ACAA2: variants seen among roughly 807,000 people sequenced by gnomAD.
The protein encoded by ACAA2 is 3-ketoacyl-CoA thiolase, mitochondrial.
A neutral mutation model predicts 44.8 loss-of-function variants in ACAA2; 35 were observed. That is an observed-to-expected ratio of 0.78 (90% CI 0.60 to 1.04). ACAA2 has a LOEUF of 1.04. Ranked by LOEUF, ACAA2 falls within the 50% of genes least tolerant of loss-of-function variation. The pLI, the probability that ACAA2 is intolerant of heterozygous loss-of-function variation, is 0.00. For missense variants in ACAA2, 468 were observed against 482.6 expected, an observed-to-expected ratio of 0.97 and a Z score of 0.28; for synonymous variants, 142 against 166.5, an observed-to-expected ratio of 0.85 and a Z score of 1.13.
chr18:49,797,090 G>A (rs1484536379), intron 3 of ACAA2, among the ~76,000 whole-genome samples: 1 of 151,916 alleles, frequency 6.6e-6, no homozygotes, highest in East Asian at 1.9e-4. Flanking sequence ...TTTTCATCTT[G>A]CAAAACTGAA....
intron 1 of ACAA2, chr18:49,812,800 CAG>C (rs2023685441): frequency 6.6e-6 from 1 of 152,206 alleles, no homozygotes; most frequent in Non-Finnish European, 1.5e-5. Flanking sequence ...TTTCCTGTCT[CAG>C]GGCCTCGATA....
At chr18:49,803,657 CAT>C (rs1192834185) in intron 1 of ACAA2, among the ~76,000 whole-genome samples, 1 of 152,180 alleles carries the variant, frequency 6.6e-6, no homozygotes, top group Non-Finnish European at 1.5e-5. Context: ...ATGCTAGAAA[CAT>C]ATGTTGAGAA....
At chr18:49,813,275 T>TA (rs2023692648) in intron 1 of ACAA2, among the ~76,000 whole-genome samples, 194 bp downstream of exon 1, 1 of 152,216 alleles carries the variant, frequency 6.6e-6, no homozygotes, top group East Asian at 1.9e-4. Flanking sequence ...GCTAGCGCCT[T>TA]ACAAGTAAGG....
intron 2 of ACAA2, among the ~76,000 whole-genome samples, chr18:49,799,405 C>T (rs995472958): frequency 3.1e-4 from 34 of 109,060 alleles, no homozygotes; most frequent in African/African-American, 9.8e-4. Context: ...TTGGTGGAGA[C>T]GGGGTTTCGC....
intron 3 of ACAA2, among the ~76,000 whole-genome samples, chr18:49,797,078 G>A (rs976887781): frequency 6.6e-6 from 1 of 151,882 alleles, no homozygotes; most frequent in Non-Finnish European, 1.5e-5. Context: ...TCTCCAGAAC[G>A]CTTTTCATCT....
intron 7 of ACAA2, among the ~76,000 whole-genome samples, chr18:49,789,939 G>A (rs750785047): frequency 1.3e-5 from 2 of 150,296 alleles, no homozygotes; most frequent in African/African-American, 2.5e-5. Flanking sequence ...GTGACAAAGC[G>A]AGACTCTGTG....
intron 4 of ACAA2, among the ~76,000 whole-genome samples, chr18:49,795,143 T>A (rs748150315): frequency 6.6e-6 from 1 of 152,166 alleles, no homozygotes; most frequent in Non-Finnish European, 1.5e-5. Flanking sequence ...GTGAACAGTG[T>A]GAGTCAAACA....
At chr18:49,811,459 A>G (rs1281073313) in intron 1 of ACAA2, 1 of 152,228 alleles carries the variant, frequency 6.6e-6, no homozygotes, top group Non-Finnish European at 1.5e-5. Context: ...TGATCTGTCG[A>G]GCGAAAACCT....
At chr18:49,800,129 T>TG (rs1396983741) in intron 2 of ACAA2, among the ~76,000 whole-genome samples, 1 of 137,496 alleles carries the variant, frequency 7.3e-6, no homozygotes, top group Non-Finnish European at 1.6e-5. Context: ...GGGAGGGAGG[T>TG]GGGGGTCAGC....
At chr18:49,808,032 A>G (rs2023628177) in intron 1 of ACAA2, among the ~76,000 whole-genome samples, 1 of 152,168 alleles carries the variant, frequency 6.6e-6, no homozygotes, top group Admixed American at 6.5e-5. Flanking sequence ...TGGGCAAAAG[A>G]TCTGAACAGA....
chr18:49,800,258 G>C (rs1205488870), intron 2 of ACAA2, among the ~76,000 whole-genome samples: 1 of 145,968 alleles, frequency 6.9e-6, no homozygotes, highest in Non-Finnish European at 1.5e-5. Context: ...CGCCCCGTCC[G>C]GGAGGGAGGG....
At chr18:49,795,424 T>A (rs1298576474) in intron 4 of ACAA2, among the ~76,000 whole-genome samples, 1 of 152,186 alleles carries the variant, frequency 6.6e-6, no homozygotes, top group Non-Finnish European at 1.5e-5. Context: ...TACTAATTGT[T>A]TAGTAGTGAG....
intron 1 of ACAA2, chr18:49,813,079 G>A (rs187566694): frequency 1.1e-5 from 2 of 182,286 alleles, no homozygotes; most frequent in East Asian, 1.3e-4. Flanking sequence ...GAGGCCGAGC[G>A]GCGGGCTCCT....
intron 1 of ACAA2, among the ~76,000 whole-genome samples, chr18:49,809,272 T>G (rs1407797927): frequency 6.6e-6 from 1 of 152,240 alleles, no homozygotes; most frequent in Admixed American, 6.5e-5. Flanking sequence ...TACAATCAAT[T>G]TGTACAGTTA....
At chr18:49,803,860 T>G (rs1037367511) in intron 1 of ACAA2, among the ~76,000 whole-genome samples, 4 of 151,700 alleles carry the variant, frequency 2.6e-5, no homozygotes, top group Non-Finnish European at 5.9e-5. Flanking sequence ...CATACTCTAC[T>G]GCATGAAACA....
rs555951446 is a variant in ACAA2 at position 49,797,460 on chromosome 18, C to G, written c.312+6G>C. 6 of 1,602,748 alleles carry G rather than the reference C, an allele frequency of 3.7e-6. No individual in the cohort carries two copies. The South Asian group carries it at 6.8e-5, about 18-fold the overall frequency. ...TTCAGAGAATTTAAAAAAATGTTGT[C>G]CATACCTGACATCCATTCACAATGG... On this transcript the variant is annotated splice_donor_region_variant and intron_variant, in intron 3 of 9. Coordinates refer to ENST00000285093, the MANE Select transcript of ACAA2 (RefSeq NM_006111.3).
chr18:49,787,283 A>AAAAAAC lies in ACAA2; in HGVS notation c.954+7_954+8insGTTTTT. ...GTTAAAAAAAAAAAAAAAAAAAAAA[A>AAAAAAC]CACTTACCTCTACCAAATCCATGTC... is the stretch of plus-strand genomic sequence containing the variant. On this transcript the variant is annotated splice_region_variant and intron_variant, in intron 8 of 9. Transcript: ENST00000285093. 1 of 1,454,256 alleles carries AAAAAAC rather than the reference A, an allele frequency of 6.9e-7. No individual in the cohort carries two copies. Among genetic ancestry groups the AAAAAAC allele is most frequent in the Non-Finnish European group, 9.0e-7 (1 of 1,109,788 alleles). 90.1% of individuals were successfully genotyped at this position (1,454,256 alleles called of 1,614,324 possible).
chr18:49,785,787 A>AAAT (rs1354878551), intron 8 of ACAA2: 2 of 175,974 alleles, frequency 1.1e-5, no homozygotes, highest in African/African-American at 4.8e-5. Context: ...CAGTTAGATA[A>AAAT]AATCATGAGT....
At chr18:49,788,176 T>C (rs1344784886) in intron 7 of ACAA2, among the ~76,000 whole-genome samples, 2 of 152,242 alleles carry the variant, frequency 1.3e-5, no homozygotes, top group South Asian at 2.1e-4. Flanking sequence ...TTTAAATCCA[T>C]ATTTTTTCTC....
Sources: gnomAD v4.1 joint callset for allele counts (sites outside exome capture counted in the v4.1 genomes callset) on GRCh38, gnomAD v4.1.1 for gene constraint, MANE v1.5 for transcripts, NCBI Gene and HGNC (gene_info 2026-07-23, HGNC 2026-07-21) for gene names.